The following IZUMO3 variants were observed in gnomAD, a reference collection of about 807,000 sequenced individuals.
IZUMO3 encodes izumo sperm-egg fusion protein 3.
Under a neutral mutation model 28.4 loss-of-function variants are expected in IZUMO3, and 36 were observed. The ratio of observed to expected loss-of-function variants is 1.27; its 90% CI spans 0.97 to 1.67. The LOEUF (loss-of-function observed/expected upper bound fraction) is 1.67, where lower values mean the gene tolerates loss of function less well. IZUMO3 is among the 40% of genes most tolerant of loss of function. IZUMO3 has a pLI of 0.00. For missense variants in IZUMO3, 387 were observed against 278.5 expected, an observed-to-expected ratio of 1.39 and a Z score of -2.77; for synonymous variants, 126 against 99.2, an observed-to-expected ratio of 1.27 and a Z score of -1.61.
In IZUMO3 at chr9:24,543,295, C is replaced by G; in HGVS notation, c.654G>C (p.Lys218Asn). 3 of 1,548,914 alleles carry G rather than the reference C, an allele frequency of 1.9e-6. No homozygotes were observed. The highest frequency in any genetic ancestry group is 2.6e-6 in the Non-Finnish European group (3 of 1,145,966). The change falls in exon 7 of 7, where the codon AAG becomes AAC. Residue 218 changes from lysine to asparagine, a missense_variant. Transcript: ENST00000543880. Reference protein sequence around the residue: ...IRRSLKEYVEKKLEELMGKID... With the variant: ...IRRSLKEYVENKLEELMGKID... ...TCTTCCCCATTAATTCTTCAAGTTT[C>G]TTCTCCACATATTCCTTTAGCGACC... is the stretch of plus-strand genomic sequence containing the variant.
chr9:24,543,949 A>G (rs1026757301), intron 5 of IZUMO3, among the ~76,000 whole-genome samples, 195 bp from the exon 6 acceptor site: 1 of 152,164 alleles, frequency 6.6e-6, no homozygotes, highest in African/African-American at 2.4e-5. Flanking sequence ...AGCTGTCAGC[A>G]AAATTCTTCC....
chr9:24,545,455 G>T lies in IZUMO3; in HGVS notation c.195C>A (p.Val65=), dbSNP rs989780315. 6.5e-7 allele frequency: 1 copy of T among 1,537,248 alleles called. No homozygotes were observed. Residue 65 remains valine, a synonymous_variant, in exon 1 of 7, where the codon GTC becomes GTA. Transcript: ENST00000543880. ...CCCGAAGCCTCTTGTCACTGTGGGA[G>T]ACCTTGAAGCTTAAATGAATCATCT... is the stretch of plus-strand genomic sequence containing the variant. ...IKEMIHLSFK[V]SHSDKRLRVL...
At position 24,543,367 on chromosome 9, in the gene IZUMO3, T is replaced by C. The variant is rs1188773789; in HGVS notation, c.582A>G (p.Leu194=). The C allele has an allele frequency of 4.6e-6, 7 of 1,535,568 alleles. No individual in the cohort carries two copies. Among genetic ancestry groups the C allele is most frequent in the Middle Eastern group, 3.4e-4 (2 of 5,910 alleles). The change falls in exon 7 of 7, where the codon CTA becomes CTG. Residue 194 remains leucine (L), a splice_region_variant and synonymous_variant. Coordinates refer to ENST00000543880, the MANE Select transcript of IZUMO3 (RefSeq NM_001365008.2). The stretch of plus-strand genomic sequence containing the variant: ...TCCGATGAAAGATGCAAAAATGGAA[T>C]CTAGAGTAGGAAAAGAAAATAATTC... The part of the protein sequence containing the change: ...TAVILGSAVL[L]FHFCIFHRRK...
chr9:24,544,272 T>G lies in IZUMO3; in HGVS notation c.419A>C (p.Glu140Ala). The change falls in exon 5 of 7, where the codon GAA becomes GCA. Residue 140 changes from glutamate to alanine, a missense_variant. Physicochemically the swap from Glu to Ala is moderately radical, Grantham distance 107 (BLOSUM62 -1). Coordinates refer to ENST00000543880, the MANE Select transcript of IZUMO3 (RefSeq NM_001365008.2). ...IACSEDCIVV[E>A]GPILDCWTCL... ...CGTCCAACAATCAAGAATGGGACCT[T>G]CAACCACAACTGATAAAGAGGAGAA... The G allele has an allele frequency of 6.5e-7, 1 of 1,549,290 alleles. No individual in the cohort carries two copies. Among genetic ancestry groups the G allele is most frequent in the Non-Finnish European group, 8.7e-7 (1 of 1,145,758 alleles).
rs767397758 is a variant in IZUMO3 at position 24,544,200 on chromosome 9, C to A, written c.490+1G>T. ...AAATTCCATACCATGATCTTTGTTA[C>A]CTCCACAATATTCTCCTTTGAAGCA... On this transcript the variant is annotated splice_donor_variant, in intron 5 of 6. Coordinates refer to ENST00000543880, the MANE Select transcript of IZUMO3 (RefSeq NM_001365008.2). LOFTEE classifies it high-confidence loss of function. The A allele has an allele frequency of 7.1e-6, 11 of 1,543,806 alleles. No individual in the cohort carries two copies. The highest frequency in any genetic ancestry group is 1.2e-5 in the South Asian group (1 of 83,928).
In IZUMO3 at chr9:24,543,961, A is replaced by C. The variant is rs1349409381; in HGVS notation, c.491-207T>G. On this transcript the variant is annotated intron_variant, in intron 5 of 6. Transcript: ENST00000543880. ...GATAGCTGTCAGCAAAATTCTTCCC[A>C]GCCTAATTTCTTCATTCCAAGCCTA... Among the ~76,000 whole-genome samples, 5 of 152,158 alleles carry C rather than the reference A, an allele frequency of 3.3e-5. No homozygotes were observed. The East Asian group carries it at 9.7e-4, about 29-fold the overall frequency.
In IZUMO3 at chr9:24,543,105, TA is replaced by T; in HGVS notation, c.*123del. The T allele has an allele frequency of 1.3e-6, 1 of 745,242 alleles. No homozygotes were observed. Among genetic ancestry groups the T allele is most frequent in the Non-Finnish European group, 2.0e-6 (1 of 505,434 alleles). 46.2% of individuals were successfully genotyped at this position (745,242 alleles called of 1,614,324 possible). On this transcript the variant is annotated 3_prime_UTR_variant, in exon 7 of 7. Coordinates refer to ENST00000543880, the MANE Select transcript of IZUMO3 (RefSeq NM_001365008.2). Reference sequence around the variant, plus strand: ...ATAAGCATTTTCATTAGAGAAACTCTAAGTTCTATTTCAGTTTTAAAATACT... The same window carrying T: ...ATAAGCATTTTCATTAGAGAAACTCTAGTTCTATTTCAGTTTTAAAATACT...
In IZUMO3 at chr9:24,545,289, A is replaced by G. The variant is rs766905670; in HGVS notation, c.227-3T>C. On this transcript the variant is annotated splice_region_variant and splice_polypyrimidine_tract_variant and intron_variant, in intron 1 of 6. Coordinates refer to ENST00000543880, the MANE Select transcript of IZUMO3 (RefSeq NM_001365008.2). ...CAACTTAACAACCTGCTGAACAGCT[A>G]GAGAGGGAGAGTAAAGGTACATGTA... 2 of 1,549,828 alleles carry G rather than the reference A, an allele frequency of 1.3e-6. No individual in the cohort carries two copies. The highest frequency in any genetic ancestry group is 1.7e-6 in the Non-Finnish European group (2 of 1,146,350).
Position 24,543,449 on chromosome 9 carries a change from T to TG in IZUMO3, c.582-83_582-82insC, listed in dbSNP as rs1414952246. On this transcript the variant is annotated intron_variant, in intron 6 of 6. Coordinates refer to ENST00000543880, the MANE Select transcript of IZUMO3 (RefSeq NM_001365008.2). ...GCCAGTTATACATTGTTTTTTTTTT[T>TG]TTTTTTTTTTTTTTTTTTTTTTTGC... The TG allele has an allele frequency of 5.9e-5, 47 of 790,014 alleles. No homozygotes were observed. In the African/African-American group the frequency reaches 7.3e-4, roughly 12 times the overall value. The allele number at this position is 790,014 out of a possible 1,614,324, so 48.9% of individuals were successfully genotyped here.
chr9:24,544,064 G>A, intron 5 of IZUMO3, 137 bp downstream of exon 5: 1 of 674,418 alleles, frequency 1.5e-6, no homozygotes, highest in Non-Finnish European at 2.6e-6. Context: ...CAACACCCTA[G>A]CTCCATTTTG....
At chr9:24,544,600 G>C in intron 4 of IZUMO3, 143 bp downstream of exon 4, 1 of 723,360 alleles carries the variant, frequency 1.4e-6, no homozygotes. Flanking sequence ...TCGTTATCAG[G>C]TATTGTTGAC....
At chr9:24,543,801 A>G in intron 5 of IZUMO3, 47 bp from the exon 6 acceptor site, 2 of 1,226,994 alleles carry the variant, frequency 1.6e-6, no homozygotes, top group Non-Finnish European at 2.3e-6. Context: ...TGGAGAAGAG[A>G]AATAGCTTGT....
chr9:24,543,127 A>G lies in IZUMO3; in HGVS notation c.*102T>C. The G allele has an allele frequency of 1.1e-6, 1 of 919,238 alleles. No homozygotes were observed. Among genetic ancestry groups the G allele is most frequent in the Non-Finnish European group, 1.5e-6 (1 of 658,578 alleles). 56.9% of individuals were successfully genotyped at this position (919,238 alleles called of 1,614,324 possible). On this transcript the variant is annotated 3_prime_UTR_variant, in exon 7 of 7. Transcript: ENST00000543880. ...CTCTAAGTTCTATTTCAGTTTTAAA[A>G]TACTATGACTTTATGACCAAGAAAG...
In IZUMO3 at chr9:24,543,456, T is replaced by G. The variant is rs1195079139; in HGVS notation, c.582-89A>C. The G allele has an allele frequency of 3.2e-4, 287 of 909,354 alleles. 3 individuals are homozygous for G. The African/African-American group carries it at 4.5e-3, about 14-fold the overall frequency. 56.3% of individuals were successfully genotyped at this position (909,354 alleles called of 1,614,324 possible). ...ATACATTGTTTTTTTTTTTTTTTTT[T>G]TTTTTTTTTTTTTTTTGCTGGATAC... On this transcript the variant is annotated intron_variant, in intron 6 of 6. Transcript: ENST00000543880.
At chr9:24,545,401 T>A in intron 1 of IZUMO3, 23 bp downstream of exon 1, 1 of 1,543,996 alleles carries the variant, frequency 6.5e-7, no homozygotes, top group Non-Finnish European at 8.7e-7. Flanking sequence ...CCCTGGACTC[T>A]CAGGAACTCA....
Position 24,543,250 on chromosome 9 carries a change from T to C in IZUMO3, c.699A>G (p.Lys233=), listed in dbSNP as rs1819490379. Residue 233 remains lysine, a synonymous_variant, in exon 7 of 7, where the codon AAA becomes AAG. Coordinates refer to ENST00000543880, the MANE Select transcript of IZUMO3 (RefSeq NM_001365008.2). ...GTGTTTATTTTCTGAGTCTAAAGTC[T>C]TTCTCCTCCTTCTCATCTATCTTCC... ...LMGKIDEKEE[K]DFRLRK 1 of 1,546,306 alleles carries C rather than the reference T, an allele frequency of 6.5e-7. No individual in the cohort carries two copies. The highest frequency in any genetic ancestry group is 8.7e-7 in the Non-Finnish European group (1 of 1,144,898).
chr9:24,544,864 C>T (rs1284432239), intron 3 of IZUMO3, 104 bp from the exon 4 acceptor site: 1 of 1,334,062 alleles, frequency 7.5e-7, no homozygotes, highest in Non-Finnish European at 1.1e-6. Context: ...AGTTACCTCT[C>T]CACCCATTCT....
rs78843084 is a variant in IZUMO3, at chr9:24,545,772, G to A, written c.-123C>T. The A allele has an allele frequency of 7.8e-6, 12 of 1,533,598 alleles. No individual in the cohort carries two copies. The South Asian group carries it at 1.2e-4, about 16-fold the overall frequency. The allele number at this position is 1,533,598 out of a possible 1,614,324, so 95.0% of individuals were successfully genotyped here. A position where few individuals can be genotyped will look rare whatever the true frequency, so the allele number is the denominator to read the frequency against. ...TGGATAGTCTGACTCCACTTTTCCC[G>A]CTGTTTCCATCCCACTATCGGGCAA... On this transcript the variant is annotated 5_prime_UTR_variant, in exon 1 of 7. Transcript: ENST00000543880.
chr9:24,545,437 C>A lies in IZUMO3; in HGVS notation c.213G>T (p.Arg71Ser). The A allele has an allele frequency of 6.5e-7, 1 of 1,539,192 alleles. No homozygotes were observed. Among genetic ancestry groups the A allele is most frequent in the South Asian group, 1.2e-5 (1 of 84,052 alleles). ...LSFKVSHSDK[R>S]LRVLAVQQVV... is the part of the protein sequence containing the mutation. The stretch of plus-strand genomic sequence containing the variant: ...AGCTTCCCTCACCCAACACCCGAAG[C>A]CTCTTGTCACTGTGGGAGACCTTGA... Residue 71 changes from arginine to serine, a missense_variant, in exon 1 of 7, where the codon AGG becomes AGT. By Grantham distance (110) the Arg-to-Ser change is moderately radical. Coordinates refer to ENST00000543880, the MANE Select transcript of IZUMO3 (RefSeq NM_001365008.2).
Sources: allele counts gnomAD v4.1 joint callset (sites outside exome capture counted in the v4.1 genomes callset), GRCh38; gene constraint gnomAD v4.1.1; transcripts MANE v1.5; gene names NCBI Gene and HGNC (gene_info 2026-07-23, HGNC 2026-07-21).